APCDD1: variants seen among roughly 807,000 people sequenced by gnomAD.
APCDD1 encodes the protein APC down-regulated 1, also known as protein APCDD1.
A neutral mutation model predicts 38.1 loss-of-function variants in APCDD1; 15 were observed. That is an observed-to-expected ratio of 0.39 (90% CI 0.26 to 0.61). The LOEUF is 0.61. APCDD1 is among the 20% of genes least tolerant of loss of function. The probability of loss-of-function intolerance (pLI) is 0.49; values close to 1 mark genes in which losing one functional copy is unlikely to be tolerated. For missense variants in APCDD1, 647 were observed against 696.2 expected (o/e 0.93, Z 0.79); for synonymous variants, 261 against 279.7 (o/e 0.93, Z 0.67).
rs372913393 is a variant in APCDD1, at chr18:10,471,662, G to A, written c.375G>A (p.Arg125=). 1.4e-5 allele frequency: 23 copies of A among 1,613,990 alleles called. No individual in the cohort carries two copies. Among genetic ancestry groups the A allele is most frequent in the African/African-American group, 2.7e-5 (2 of 74,898 alleles). ...CTNPTYTLII[R]GKIRLRQASW... is the part of the protein sequence containing the mutation. ...ATCCCACTTATACTCTCATCATCCG[G>A]GGCAAGATCCGCCTCCGCCAGGCCT... Residue 125 remains arginine, a synonymous_variant, in exon 3 of 5, where the codon CGG becomes CGA. Transcript: ENST00000355285. The surrounding 1 kb of genome is among the most constrained non-coding windows in gnomAD (Gnocchi z 5.5).
At chr18:10,465,361 A>T (rs2030682796) in intron 1 of APCDD1, among the ~76,000 whole-genome samples, 1 of 152,222 alleles carries the variant, frequency 6.6e-6, no homozygotes, top group Non-Finnish European at 1.5e-5. Flanking sequence ...GATTTTGAAC[A>T]TCAAGAGAGT....
Position 10,467,699 on chromosome 18 carries a change from A to G in APCDD1, c.59-770A>G, listed in dbSNP as rs184550744. ...AAGCCCTGTATTGTATGTTTAGGTT[A>G]TTTCTGGCCTTGTGAGGGTGAGGGG... On this transcript the variant is annotated intron_variant, in intron 1 of 4. Coordinates refer to ENST00000355285, the MANE Select transcript of APCDD1 (RefSeq NM_153000.5). This position sits in a 1 kb window ranked among gnomAD's most constrained non-coding sequence, Gnocchi z 4.8. 3.5e-3 allele frequency among the ~76,000 whole-genome samples: 539 copies of G among 152,178 alleles called. 4 individuals are homozygous for G. Among genetic ancestry groups the G allele is most frequent in the African/African-American group, 0.012 (514 of 41,514 alleles).
chr18:10,458,802 A>G (rs1166669507), intron 1 of APCDD1, among the ~76,000 whole-genome samples: 1 of 152,208 alleles, frequency 6.6e-6, no homozygotes, highest in African/African-American at 2.4e-5. Flanking sequence ...ACATCGGTTG[A>G]AAGATACACA....
At chr18:10,473,765 G>C (rs542017389) in intron 3 of APCDD1, among the ~76,000 whole-genome samples, 30 of 152,236 alleles carry the variant, frequency 2.0e-4, no homozygotes, top group African/African-American at 6.7e-4. Flanking sequence ...GGCCTTTCTG[G>C]TTGGCAGCAC....
chr18:10,460,253 C>G (rs1278885660), intron 1 of APCDD1, among the ~76,000 whole-genome samples: 1 of 152,218 alleles, frequency 6.6e-6, no homozygotes, highest in African/African-American at 2.4e-5. Context: ...CGGTGGCTCA[C>G]GCCTGTAATC....
At chr18:10,460,237 C>T (rs373035063) in intron 1 of APCDD1, among the ~76,000 whole-genome samples, 4 of 152,188 alleles carry the variant, frequency 2.6e-5, no homozygotes, top group Admixed American at 2.0e-4. Flanking sequence ...TTGTTGAGGA[C>T]GGGCACGGTG....
chr18:10,483,064 G>A (rs2031175224), intron 3 of APCDD1, among the ~76,000 whole-genome samples: 1 of 152,236 alleles, frequency 6.6e-6, no homozygotes, highest in South Asian at 2.1e-4. Context: ...AGTTATGCAA[G>A]TAAGTATAAT....
In APCDD1 at chr18:10,467,400, TGCTAACACAGG is replaced by T. The variant is rs1450846602; in HGVS notation, c.59-1063_59-1053del. Among the ~76,000 whole-genome samples, 6 of 152,256 alleles carry T rather than the reference TGCTAACACAGG, an allele frequency of 3.9e-5. No individual in the cohort carries two copies. Among genetic ancestry groups the T allele is most frequent in the African/African-American group, 1.4e-4 (6 of 41,474 alleles). Reference sequence around the variant, plus strand: ...ACAGTTGTCTAACTAGTGTCTTTTCTGCTAACACAGGGCTAAATACGTAGTAGGTCCGCCAT... The same window carrying T: ...ACAGTTGTCTAACTAGTGTCTTTTCTGCTAAATACGTAGTAGGTCCGCCAT... On this transcript the variant is annotated intron_variant, in intron 1 of 4. Coordinates refer to ENST00000355285, the MANE Select transcript of APCDD1 (RefSeq NM_153000.5). This position sits in a 1 kb window ranked among gnomAD's most constrained non-coding sequence, Gnocchi z 4.8.
chr18:10,454,706 G>A lies in APCDD1; in HGVS notation c.-276G>A, dbSNP rs1598392800. ...GAGCGGCGCACGCGGCGGCCGGGGC[G>A]GGACGCGGGGCCGGGCGCGGAGAAG... On this transcript the variant is annotated 5_prime_UTR_variant, in exon 1 of 5. Transcript: ENST00000355285. 2 of 983,972 alleles carry A rather than the reference G, an allele frequency of 2.0e-6. No individual in the cohort carries two copies. The highest frequency in any genetic ancestry group is 4.6e-5 in the South Asian group (1 of 21,592). 61.0% of individuals were successfully genotyped at this position (983,972 alleles called of 1,614,324 possible). A position where few individuals can be genotyped will look rare whatever the true frequency, so the allele number is the denominator to read the frequency against.
In APCDD1 at chr18:10,485,756, A is replaced by C; in HGVS notation, c.1069A>C (p.Met357Leu). 6.2e-7 allele frequency: 1 copy of C among 1,613,694 alleles called. No homozygotes were observed. Among genetic ancestry groups the C allele is most frequent in the Non-Finnish European group, 8.5e-7 (1 of 1,180,022 alleles). The change falls in exon 4 of 5, where the codon ATG becomes CTG. Residue 357 changes from methionine (M) to leucine (L), a missense_variant. Met to Leu is a conservative substitution (Grantham distance 15). Transcript: ENST00000355285. The surrounding 1 kb of genome is among the most constrained non-coding windows in gnomAD (Gnocchi z 5.8). The part of the protein sequence containing the change: ...YSRGVLSSRV[M>L]GGTEFVFKVN... ...CCGCGGCGTCCTCTCGTCCAGGGTC[A>C]TGGGAGGCACCGAGTTCGTGTTCAA...
In APCDD1 at chr18:10,471,491, A is replaced by G. The variant is rs1474968571; in HGVS notation, c.243-39A>G. 3.7e-6 allele frequency: 6 copies of G among 1,612,762 alleles called. No individual in the cohort carries two copies. The highest frequency in any genetic ancestry group is 5.1e-6 in the Non-Finnish European group (6 of 1,178,956). On this transcript the variant is annotated intron_variant, in intron 2 of 4. Coordinates refer to ENST00000355285, the MANE Select transcript of APCDD1 (RefSeq NM_153000.5). This position sits in a 1 kb window ranked among gnomAD's most constrained non-coding sequence, Gnocchi z 5.5. Reference sequence around the variant, plus strand: ...TAATGAATCTCTTTCCCATACCTTCAGGCTTACAAAGGTCTCTTCTTCCCC... The same window carrying G: ...TAATGAATCTCTTTCCCATACCTTCGGGCTTACAAAGGTCTCTTCTTCCCC...
rs2031224572 is a variant in APCDD1 at position 10,485,332 on chromosome 18, T to C, written c.775-130T>C. The C allele has an allele frequency of 3.1e-6, 3 of 954,840 alleles. No individual in the cohort carries two copies. The East Asian group carries it at 7.2e-5, about 23-fold the overall frequency. 59.1% of individuals were successfully genotyped at this position (954,840 alleles called of 1,614,324 possible). On this transcript the variant is annotated intron_variant, in intron 3 of 4. Transcript: ENST00000355285. The surrounding 1 kb of genome is among the most constrained non-coding windows in gnomAD (Gnocchi z 5.8). Reference sequence around the variant, plus strand: ...TCTGTGCCCGGAGCATGATTCCAGTTGGTTCTTGGTGTCGAGGTTGTCAGT... The same window carrying C: ...TCTGTGCCCGGAGCATGATTCCAGTCGGTTCTTGGTGTCGAGGTTGTCAGT...
chr18:10,455,461 C>A (rs767912560), intron 1 of APCDD1, among the ~76,000 whole-genome samples: 3 of 152,160 alleles, frequency 2.0e-5, no homozygotes, highest in African/African-American at 4.8e-5. Flanking sequence ...TTGATGTGTT[C>A]CAAGCGTTTA....
Position 10,487,865 on chromosome 18 carries a change from T to C in APCDD1, c.1372T>C (p.Ser458Pro), listed in dbSNP as rs1222539514. 12 of 1,613,634 alleles carry C rather than the reference T, an allele frequency of 7.4e-6. No homozygotes were observed. The highest frequency in any genetic ancestry group is 1.0e-5 in the Non-Finnish European group (12 of 1,180,018). ...AGACAGGCCAGAGAAGAGAGCCACG[T>C]CCTACCAGATGCCCTTGGTCCAGTG... ...SPDRPEKRAT[S>P]YQMPLVQCAS... The change falls in exon 5 of 5, where the codon TCC becomes CCC. Residue 458 changes from serine (S) to proline (P), a missense_variant. Transcript: ENST00000355285.
In APCDD1 at chr18:10,487,874, A is replaced by T; in HGVS notation, c.1381A>T (p.Met461Leu). ...RPEKRATSYQMPLVQCASSSP... is the reference protein window; with the variant it reads ...RPEKRATSYQLPLVQCASSSP... ...AGAGAAGAGAGCCACGTCCTACCAG[A>T]TGCCCTTGGTCCAGTGTGCCTCCTC... Residue 461 changes from methionine (M) to leucine (L), a missense_variant, in exon 5 of 5, where the codon ATG becomes TTG. Coordinates refer to ENST00000355285, the MANE Select transcript of APCDD1 (RefSeq NM_153000.5). The T allele has an allele frequency of 6.2e-7, 1 of 1,613,792 alleles. No individual in the cohort carries two copies. Among genetic ancestry groups the T allele is most frequent in the African/African-American group, 1.3e-5 (1 of 75,048 alleles).
chr18:10,477,937 T>G (rs1228434873), intron 3 of APCDD1: 1 of 152,226 alleles, frequency 6.6e-6, no homozygotes, highest in South Asian at 2.1e-4. Context: ...TTTCTCCAGT[T>G]GCTGGGTGAG....
chr18:10,460,930 T>C (rs2030525422), intron 1 of APCDD1, among the ~76,000 whole-genome samples: 2 of 152,236 alleles, frequency 1.3e-5, no homozygotes, highest in South Asian at 2.1e-4. Flanking sequence ...ATTCAGGGGA[T>C]GTGAACAGTT....
chr18:10,485,917 C>T lies in APCDD1; in HGVS notation c.1096+134C>T, dbSNP rs2031241922. 1 of 1,004,564 alleles carries T rather than the reference C, an allele frequency of 1.0e-6. No individual in the cohort carries two copies. The highest frequency in any genetic ancestry group is 1.5e-6 in the Non-Finnish European group (1 of 664,924). 62.2% of individuals were successfully genotyped at this position (1,004,564 alleles called of 1,614,324 possible). ...GAAAGAAATTGGGGAGTCATTTCTG[C>T]CTCAGTCCTTCCCAACGCCCTCTGA... On this transcript the variant is annotated intron_variant, in intron 4 of 4. Transcript: ENST00000355285. This position sits in a 1 kb window ranked among gnomAD's most constrained non-coding sequence, Gnocchi z 5.8.
intron 1 of APCDD1, among the ~76,000 whole-genome samples, chr18:10,455,323 G>A (rs1446152151): frequency 3.9e-5 from 6 of 152,216 alleles, no homozygotes. Context: ...CACCTTTTAT[G>A]TCCAGAATCC....
Sources: allele counts gnomAD v4.1 joint callset (sites outside exome capture counted in the v4.1 genomes callset), GRCh38; gene constraint gnomAD v4.1.1; non-coding constraint Gnocchi (gnomAD v3.1); transcripts MANE v1.5; gene names NCBI Gene and HGNC (gene_info 2026-07-23, HGNC 2026-07-21).